CHD7: variants seen among roughly 807,000 people sequenced by gnomAD.
The protein encoded by CHD7 is chromodomain helicase DNA binding protein 7.
In CHD7, 24 loss-of-function variants were observed where a neutral mutation model predicts 307.3. The observed-to-expected ratio is 0.08, with a 90% CI of 0.06 to 0.11. The LOEUF is 0.11. CHD7 is among the 10% of genes least tolerant of loss of function. The pLI is 1.00. For synonymous variants in CHD7, 1,363 were observed against 1,349.9 expected (o/e 1.01, Z -0.21); for missense variants, 3,106 against 3,727.1 (o/e 0.83, Z 4.34).
At chr8:60,858,921 C>T (rs1342817945) in intron 34 of CHD7, among the ~76,000 whole-genome samples, 1 of 152,182 alleles carries the variant, frequency 6.6e-6, no homozygotes, top group Non-Finnish European at 1.5e-5. Context: ...CACGACACAG[C>T]TTTGTCTCTG....
intron 8 of CHD7, among the ~76,000 whole-genome samples, chr8:60,819,143 C>T (rs980895572): frequency 1.7e-4 from 26 of 152,128 alleles, no homozygotes; most frequent in African/African-American, 5.5e-4. Flanking sequence ...TTAGTAGAGA[C>T]GGGGTTTCAC....
At chr8:60,688,645 G>C (rs1806036610) in intron 1 of CHD7, among the ~76,000 whole-genome samples, 1 of 152,154 alleles carries the variant, frequency 6.6e-6, no homozygotes, top group Non-Finnish European at 1.5e-5. Flanking sequence ...AGGTTTGAGG[G>C]AGTGCTTATC....
chr8:60,839,475 T>C (rs1313279173), intron 19 of CHD7, among the ~76,000 whole-genome samples: 1 of 152,200 alleles, frequency 6.6e-6, no homozygotes, highest in Admixed American at 6.5e-5. Context: ...CTATGTTAAC[T>C]TCATGTTTGA....
At chr8:60,854,955 T>G (rs1456901034) in intron 32 of CHD7, 1 of 152,768 alleles carries the variant, frequency 6.5e-6, no homozygotes, top group South Asian at 2.1e-4. Flanking sequence ...TTGACCCATT[T>G]GCTTTTGACG....
intron 1 of CHD7, among the ~76,000 whole-genome samples, chr8:60,701,974 G>A (rs548734008): frequency 5.8e-4 from 88 of 152,346 alleles, no homozygotes; most frequent in Admixed American, 1.8e-3. Flanking sequence ...CCCTGCAGTG[G>A]TGTTTTCTGG....
At chr8:60,717,711 A>G (rs892327879) in intron 1 of CHD7, among the ~76,000 whole-genome samples, 3 of 135,542 alleles carry the variant, frequency 2.2e-5, no homozygotes, top group Non-Finnish European at 4.7e-5. Flanking sequence ...ATGAGATTAT[A>G]ATGGAGCTGA....
At chr8:60,792,595 T>C (rs1253164838) in intron 3 of CHD7, among the ~76,000 whole-genome samples, 1 of 152,238 alleles carries the variant, frequency 6.6e-6, no homozygotes, top group Non-Finnish European at 1.5e-5. Flanking sequence ...GACTTTCAGC[T>C]ATCTTGGAGG....
At position 60,845,269 on chromosome 8, in the gene CHD7, A is replaced by G; in HGVS notation, c.5070A>G (p.Pro1690=). Residue 1690 remains proline, a synonymous_variant, in exon 23 of 38, where the codon CCA becomes CCG. Coordinates refer to ENST00000423902, the MANE Select transcript of CHD7 (RefSeq NM_017780.4). ...TTCTAGGTTTGTCAGCTCCTGTGCC[A>G]AGGGGAAGGAAGGGAAAGAAGGTGA... The part of the protein sequence containing the change: ...VNHSGLSAPV[P]RGRKGKKVKA... 1 of 1,612,404 alleles carries G rather than the reference A, an allele frequency of 6.2e-7. No homozygotes were observed. The highest frequency in any genetic ancestry group is 8.5e-7 in the Non-Finnish European group (1 of 1,178,712).
chr8:60,835,935 G>T, intron 15 of CHD7, 138 bp from the exon 16 acceptor site: 1 of 655,968 alleles, frequency 1.5e-6, no homozygotes, highest in Non-Finnish European at 2.6e-6. Context: ...CTATGAGTAA[G>T]TGGATGGATT....
At chr8:60,759,221 G>A (rs1457822731) in intron 2 of CHD7, among the ~76,000 whole-genome samples, 7 of 152,178 alleles carry the variant, frequency 4.6e-5, no homozygotes, top group Non-Finnish European at 1.0e-4. Context: ...GTGTTTGGGA[G>A]TGGGAAGGTA....
intron 1 of CHD7, among the ~76,000 whole-genome samples, chr8:60,732,639 G>C (rs946524809): frequency 1.3e-5 from 2 of 151,988 alleles, no homozygotes; most frequent in Non-Finnish European, 2.9e-5. Flanking sequence ...TTTAAAATCA[G>C]GCTAATAAAC....
intron 1 of CHD7, among the ~76,000 whole-genome samples, chr8:60,709,755 C>A (rs1365821635): frequency 6.6e-6 from 1 of 152,126 alleles, no homozygotes; most frequent in African/African-American, 2.4e-5. Context: ...AGCCATTTCA[C>A]TATAACTATA....
chr8:60,859,749 C>T (rs1805880188), intron 34 of CHD7, among the ~76,000 whole-genome samples: 1 of 152,166 alleles, frequency 6.6e-6, no homozygotes, highest in Non-Finnish European at 1.5e-5. Flanking sequence ...AGGAAGTGAG[C>T]TTCAGCAGAG....
rs547571575 is a variant in CHD7 at position 60,867,934 on chromosome 8, A to T, written c.*2001A>T. ...CACGGGAAAGTGAAACTAGGTCTGC[A>T]TGAAGTATAGGAAATTTAAGTATTT... On this transcript the variant is annotated 3_prime_UTR_variant, in exon 38 of 38. Transcript: ENST00000423902. 1 of 151,826 alleles carries T rather than the reference A, an allele frequency of 6.6e-6. No individual in the cohort carries two copies. The highest frequency in any genetic ancestry group is 2.4e-5 in the African/African-American group (1 of 41,050). 9.4% of individuals were successfully genotyped at this position (151,826 alleles called of 1,614,324 possible). A position where few individuals can be genotyped will look rare whatever the true frequency, so the allele number is the denominator to read the frequency against.
intron 2 of CHD7, among the ~76,000 whole-genome samples, chr8:60,743,402 C>T (rs781516091): frequency 1.3e-5 from 2 of 152,048 alleles, no homozygotes; most frequent in Non-Finnish European, 2.9e-5. Flanking sequence ...GCTTTTGTTT[C>T]CTTCTCTCAA....
At chr8:60,755,419 G>T (rs1358257911) in intron 2 of CHD7, among the ~76,000 whole-genome samples, 1 of 151,960 alleles carries the variant, frequency 6.6e-6, no homozygotes, top group Non-Finnish European at 1.5e-5. Flanking sequence ...TTGGAGCCAG[G>T]TTTTCTCTGC....
rs377215671 is a variant in CHD7, at chr8:60,741,396, T to C, written c.-37T>C. The C allele has an allele frequency of 3.6e-5, 55 of 1,507,628 alleles. No homozygotes were observed. The African/African-American group carries it at 6.9e-4, about 19-fold the overall frequency. The allele number at this position is 1,507,628 out of a possible 1,614,324, so 93.4% of individuals were successfully genotyped here. ...GTGAAGTGAAGCACAGGCAAGCTCCTGAGCTGTGGTTTGGAGGAGCCGTGT... is the reference window on the plus strand; with the variant it reads ...GTGAAGTGAAGCACAGGCAAGCTCCCGAGCTGTGGTTTGGAGGAGCCGTGT... On this transcript the variant is annotated 5_prime_UTR_variant, in exon 2 of 38. Transcript: ENST00000423902.
chr8:60,764,481 G>A lies in CHD7; in HGVS notation c.1666-16519G>A, dbSNP rs569868090. On this transcript the variant is annotated intron_variant, in intron 2 of 37. Coordinates refer to ENST00000423902, the MANE Select transcript of CHD7 (RefSeq NM_017780.4). ...AGATCTTTTTCTGGGTCTCTTTCTA[G>A]CAGTACTTTTGTTTGGCAGTGTCTC... Among the ~76,000 whole-genome samples the A allele has an allele frequency of 2.6e-5, 4 of 152,150 alleles. No individual in the cohort carries two copies. The East Asian group carries it at 7.7e-4, about 29-fold the overall frequency.
rs1321078258 is a variant in CHD7, at chr8:60,837,019, G to A, written c.4185+7G>A. On this transcript the variant is annotated splice_region_variant and intron_variant, in intron 17 of 37. Transcript: ENST00000423902. ...TCCCCAAAATGACCTCCAGGTAAATGCACAAGAAAGTCCTGATGCCTTTAA... is the reference window on the plus strand; with the variant it reads ...TCCCCAAAATGACCTCCAGGTAAATACACAAGAAAGTCCTGATGCCTTTAA... 6.2e-7 allele frequency: 1 copy of A among 1,601,218 alleles called. No individual in the cohort carries two copies. The highest frequency in any genetic ancestry group is 1.3e-5 in the African/African-American group (1 of 74,564).
Sources: allele counts gnomAD v4.1 joint callset (sites outside exome capture counted in the v4.1 genomes callset), GRCh38; gene constraint gnomAD v4.1.1; transcripts MANE v1.5; gene names NCBI Gene and HGNC (gene_info 2026-07-23, HGNC 2026-07-21).